The following RUFY2 variants were observed in gnomAD, a reference collection of about 807,000 sequenced individuals.
The protein encoded by RUFY2 is RUN and FYVE domain containing 2, also known as RUN and FYVE domain-containing protein 2.
Under a neutral mutation model 94.4 loss-of-function variants are expected in RUFY2, and 49 were observed. The observed-to-expected ratio is 0.52, with a 90% CI of 0.41 to 0.66. RUFY2 has a LOEUF of 0.66. Ranked by LOEUF, RUFY2 falls within the 30% of genes least tolerant of loss-of-function variation. The pLI is 0.00. For synonymous variants in RUFY2, 255 were observed against 235.7 expected (o/e 1.08, Z -0.75); for missense variants, 541 against 692.8 (o/e 0.78, Z 2.46).
chr10:68,384,148 G>C lies in RUFY2; in HGVS notation c.725C>G (p.Ala242Gly). ...TTTAATGATGTTATTCTTTGCTATT[G>C]CTAACTAAAAATTAAGAAACGGGCA... ...KSNTKLIEEL[A>G]IAKNNIIKLQ... Residue 242 changes from alanine (A) to glycine (G), a missense_variant, in exon 9 of 18, where the codon GCA becomes GGA. This residue lies in a region of RUFY2 where 403 missense variants were observed against 480.7 expected (regional missense o/e 0.84). Transcript: ENST00000602465. 6.2e-7 allele frequency: 1 copy of C among 1,605,960 alleles called. No homozygotes were observed. The highest frequency in any genetic ancestry group is 8.5e-7 in the Non-Finnish European group (1 of 1,178,828).
chr10:68,360,474 T>C (rs1446156771), intron 15 of RUFY2, among the ~76,000 whole-genome samples: 1 of 152,022 alleles, frequency 6.6e-6, no homozygotes, highest in Non-Finnish European at 1.5e-5. Flanking sequence ...CCAGGTGCGG[T>C]GGCTCACGCC....
At chr10:68,395,109 G>A (rs758166894) in intron 4 of RUFY2, among the ~76,000 whole-genome samples, 7 of 151,774 alleles carry the variant, frequency 4.6e-5, no homozygotes, top group Non-Finnish European at 1.0e-4. Context: ...AGGCCAAGGC[G>A]GGAGGATCAC....
Position 68,403,338 on chromosome 10 carries a change from G to A in RUFY2, c.178+1333C>T, listed in dbSNP as rs180890797. 6.0e-3 allele frequency among the ~76,000 whole-genome samples: 905 copies of A among 151,916 alleles called. 17 individuals are homozygous for A. Among genetic ancestry groups the A allele is most frequent in the African/African-American group, 0.021 (864 of 41,452 alleles). On this transcript the variant is annotated intron_variant, in intron 2 of 17. Coordinates refer to ENST00000602465, the MANE Select transcript of RUFY2 (RefSeq NM_001330103.2). Reference sequence around the variant, plus strand: ...ACGATCTCAGCTCACTGCAACCTCCGCCTCCCAGGTTCAAACAATTCTCCT... The same window carrying A: ...ACGATCTCAGCTCACTGCAACCTCCACCTCCCAGGTTCAAACAATTCTCCT...
At chr10:68,395,199 G>A (rs550495056) in intron 4 of RUFY2, among the ~76,000 whole-genome samples, 5 of 152,064 alleles carry the variant, frequency 3.3e-5, no homozygotes, top group Admixed American at 1.3e-4. Flanking sequence ...TTAGCCAGGC[G>A]TGGTGGCACA....
intron 3 of RUFY2, 51 bp from the exon 4 acceptor site, chr10:68,396,932 A>G (rs1182138598): frequency 8.3e-7 from 1 of 1,201,346 alleles, no homozygotes; most frequent in Non-Finnish European, 1.2e-6. Flanking sequence ...CAAAGATCAC[A>G]TCTTCTGTCT....
At chr10:68,387,178 G>A (rs973283258) in intron 7 of RUFY2, among the ~76,000 whole-genome samples, 1 of 152,076 alleles carries the variant, frequency 6.6e-6, no homozygotes, top group African/African-American at 2.4e-5. Flanking sequence ...CCAACATGGT[G>A]AAACCTGGTC....
At chr10:68,381,522 A>G in intron 10 of RUFY2, 123 bp from the exon 11 acceptor site, 3 of 833,348 alleles carry the variant, frequency 3.6e-6, no homozygotes, top group Non-Finnish European at 5.6e-6. Context: ...AAGGGAATCA[A>G]CCAGGCCCTA....
chr10:68,404,094 A>G (rs1269211640), intron 2 of RUFY2, among the ~76,000 whole-genome samples: 1 of 152,246 alleles, frequency 6.6e-6, no homozygotes, highest in Non-Finnish European at 1.5e-5. Flanking sequence ...TATTATAAGT[A>G]AAAGCACAGT....
intron 15 of RUFY2, among the ~76,000 whole-genome samples, chr10:68,357,428 C>T (rs922621654): frequency 1.2e-4 from 18 of 151,870 alleles, no homozygotes; most frequent in African/African-American, 4.4e-4. Context: ...GGGGTTTTTC[C>T]ATGTTGGCCA....
intron 13 of RUFY2, among the ~76,000 whole-genome samples, chr10:68,367,888 C>T (rs2047971876): frequency 6.6e-6 from 1 of 152,036 alleles, no homozygotes; most frequent in South Asian, 2.1e-4. Context: ...CCATGTGCCA[C>T]CACACCTGGC....
At chr10:68,394,990 TA>T (rs1428556436) in intron 4 of RUFY2, among the ~76,000 whole-genome samples, 1 of 151,408 alleles carries the variant, frequency 6.6e-6, no homozygotes, top group African/African-American at 2.4e-5. Flanking sequence ...CTGAAGGAGA[TA>T]AAAGAGGGAA....
Position 68,407,237 on chromosome 10 carries a change from C to T in RUFY2, c.-48G>A, listed in dbSNP as rs1351390563. 11 of 1,325,992 alleles carry T rather than the reference C, an allele frequency of 8.3e-6. No homozygotes were observed. Among genetic ancestry groups the T allele is most frequent in the African/African-American group, 3.1e-5 (2 of 64,590 alleles). The allele number at this position is 1,325,992 out of a possible 1,614,324, so 82.1% of individuals were successfully genotyped here. ...CGGGCGGAGGCTCCCTCGGCCTGTCCAGCAGCTCCTTCCAGGCGCTCGGCG... is the reference window on the plus strand; with the variant it reads ...CGGGCGGAGGCTCCCTCGGCCTGTCTAGCAGCTCCTTCCAGGCGCTCGGCG... On this transcript the variant is annotated 5_prime_UTR_variant, in exon 1 of 18. Coordinates refer to ENST00000602465, the MANE Select transcript of RUFY2 (RefSeq NM_001330103.2).
intron 13 of RUFY2, among the ~76,000 whole-genome samples, chr10:68,367,258 A>C (rs1056121757): frequency 6.6e-6 from 1 of 152,178 alleles, no homozygotes; most frequent in Non-Finnish European, 1.5e-5. Flanking sequence ...TCAGTAACAG[A>C]GTACCAGAGT....
intron 3 of RUFY2, 150 bp downstream of exon 3, chr10:68,401,470 C>G: frequency 1.7e-6 from 1 of 584,278 alleles, no homozygotes; most frequent in Admixed American, 2.7e-5. Flanking sequence ...TGAGTTGAGC[C>G]ATAAAGAATG....
At chr10:68,406,775 T>C in intron 1 of RUFY2, 1 of 1,611,518 alleles carries the variant, frequency 6.2e-7, no homozygotes, top group Non-Finnish European at 8.5e-7. Flanking sequence ...CGCGTCAGCA[T>C]TCCCCGTCTC....
intron 13 of RUFY2, among the ~76,000 whole-genome samples, chr10:68,369,379 G>C (rs961569021): frequency 3.3e-5 from 5 of 151,892 alleles, no homozygotes; most frequent in African/African-American, 7.3e-5. Context: ...CAGCTACTAG[G>C]GGGGCTGAGG....
At chr10:68,370,516 G>A (rs2132592665) in intron 13 of RUFY2, among the ~76,000 whole-genome samples, 1 of 146,214 alleles carries the variant, frequency 6.8e-6, no homozygotes, top group East Asian at 2.0e-4. Context: ...GCATAGTGGT[G>A]TATGCCTGTA....
chr10:68,394,090 A>C lies in RUFY2; in HGVS notation c.569T>G (p.Ile190Ser). Residue 190 changes from isoleucine to serine, a missense_variant, in exon 6 of 18, where the codon ATT (isoleucine) becomes AGT (serine). By Grantham distance (142) the Ile-to-Ser change is moderately radical (BLOSUM62 -2). Transcript: ENST00000602465. ...FSMYLKNEED[I>S]GNKERNVQIA... ...AAAATCATACCTTTCTTTATTTCCA[A>C]TATCTTCTTCATTCTTTAAATACAT... 6.6e-7 allele frequency: 1 copy of C among 1,509,610 alleles called. No individual in the cohort carries two copies. Among genetic ancestry groups the C allele is most frequent in the Non-Finnish European group, 8.9e-7 (1 of 1,122,384 alleles). The allele number at this position is 1,509,610 out of a possible 1,614,324, so 93.5% of individuals were successfully genotyped here.
At chr10:68,395,250 A>G (rs1327213750) in intron 4 of RUFY2, among the ~76,000 whole-genome samples, 6 of 151,866 alleles carry the variant, frequency 4.0e-5, no homozygotes, top group Non-Finnish European at 7.4e-5. Context: ...AGACAGGAGA[A>G]TTGCCTGAAC....
Sources: gnomAD v4.1 joint callset for allele counts (sites outside exome capture counted in the v4.1 genomes callset) on GRCh38, gnomAD v4.1.1 for gene constraint, gnomAD v4.1.1 regional missense constraint, MANE v1.5 for transcripts, NCBI Gene and HGNC (gene_info 2026-07-23, HGNC 2026-07-21) for gene names.